LRRC4C: variants seen among roughly 807,000 people sequenced by gnomAD.
LRRC4C encodes the protein leucine rich repeat containing 4C.
Under a neutral mutation model 33.6 loss-of-function variants are expected in LRRC4C, and 5 were observed. The observed-to-expected ratio is 0.15, with a 90% confidence interval of 0.08 to 0.31. The LOEUF (loss-of-function observed/expected upper bound fraction) is 0.31. Ranked by LOEUF, LRRC4C falls within the 10% of genes least tolerant of loss-of-function variation. The pLI, the probability that LRRC4C is intolerant of heterozygous loss-of-function variation, is 1.00. For missense variants in LRRC4C, 560 were observed against 796.7 expected, an observed-to-expected ratio of 0.70 and a Z score of 3.58; for synonymous variants, 329 against 302.0, an observed-to-expected ratio of 1.09 and a Z score of -0.93.
intron 2 of LRRC4C, among the ~76,000 whole-genome samples, chr11:40,677,742 G>T (rs189771619): frequency 6.6e-6 from 1 of 152,152 alleles, no homozygotes; most frequent in Admixed American, 6.5e-5. Flanking sequence ...CAGCCTTCAC[G>T]TGGTGAAATG....
At chr11:40,256,545 T>G (rs1867218002) in intron 4 of LRRC4C, among the ~76,000 whole-genome samples, 1 of 152,140 alleles carries the variant, frequency 6.6e-6, no homozygotes, top group Non-Finnish European at 1.5e-5. Context: ...CTTAAGTAAT[T>G]CCACTTGTAT....
At chr11:40,821,144 A>G (rs1327578448) in intron 2 of LRRC4C, among the ~76,000 whole-genome samples, 1 of 151,708 alleles carries the variant, frequency 6.6e-6, no homozygotes, top group Non-Finnish European at 1.5e-5. Flanking sequence ...GCCAACAAAA[A>G]TTAGAGATTT....
chr11:40,128,842 A>G (rs981537693), intron 6 of LRRC4C, among the ~76,000 whole-genome samples: 2 of 152,108 alleles, frequency 1.3e-5, no homozygotes, highest in Admixed American at 1.3e-4. Flanking sequence ...TTTAAATTTT[A>G]CCTTCTCAGA....
intron 3 of LRRC4C, among the ~76,000 whole-genome samples, chr11:40,567,045 A>G (rs1957794310): frequency 1.3e-5 from 2 of 152,096 alleles, no homozygotes; most frequent in Non-Finnish European, 2.9e-5. Context: ...GAGGCTTTGT[A>G]TTACTTTTGA....
intron 1 of LRRC4C, among the ~76,000 whole-genome samples, chr11:40,954,216 A>C (rs1294718252): frequency 6.6e-6 from 1 of 151,800 alleles, no homozygotes; most frequent in Non-Finnish European, 1.5e-5. Context: ...CATTAGGTAA[A>C]CTCTCCATCT....
At chr11:40,785,188 G>C (rs2137314490) in intron 2 of LRRC4C, among the ~76,000 whole-genome samples, 1 of 152,232 alleles carries the variant, frequency 6.6e-6, no homozygotes. Context: ...GCCGAGGAAT[G>C]AATACAAATC....
intron 2 of LRRC4C, among the ~76,000 whole-genome samples, chr11:40,767,053 A>G (rs927576258): frequency 1.3e-5 from 2 of 152,066 alleles, no homozygotes; most frequent in African/African-American, 2.4e-5. Flanking sequence ...AAAGAAAACA[A>G]GAATCTATAA....
chr11:40,252,320 C>T (rs1866851075), intron 4 of LRRC4C, among the ~76,000 whole-genome samples: 1 of 151,706 alleles, frequency 6.6e-6, no homozygotes, highest in African/African-American at 2.4e-5. Flanking sequence ...CACACACAAC[C>T]CTAACACATA....
chr11:41,240,209 A>C (rs1276169712), intron 1 of LRRC4C, among the ~76,000 whole-genome samples: 4 of 152,204 alleles, frequency 2.6e-5, no homozygotes, highest in Non-Finnish European at 4.4e-5. Context: ...TTTCCAGGCT[A>C]TTAGGCTAAA....
chr11:41,052,507 C>A (rs1234077459), intron 1 of LRRC4C, among the ~76,000 whole-genome samples: 1 of 151,672 alleles, frequency 6.6e-6, no homozygotes, highest in East Asian at 1.9e-4. Context: ...TACATGGTCT[C>A]TGTTCACTTT....
intron 3 of LRRC4C, among the ~76,000 whole-genome samples, chr11:40,374,009 T>C (rs1948563317): frequency 6.6e-6 from 1 of 152,186 alleles, no homozygotes; most frequent in East Asian, 1.9e-4. Flanking sequence ...TAATTGGCCT[T>C]CACAAAAATT....
At chr11:40,176,777 G>T (rs1860529607) in intron 5 of LRRC4C, among the ~76,000 whole-genome samples, 1 of 151,990 alleles carries the variant, frequency 6.6e-6, no homozygotes, top group Admixed American at 6.6e-5. Flanking sequence ...CTGGCCTCAA[G>T]TGATCCTCCT....
chr11:40,461,498 CTAAAGTGTTCTG>C (rs1403876492), intron 3 of LRRC4C, among the ~76,000 whole-genome samples: 29 of 151,956 alleles, frequency 1.9e-4, no homozygotes. Context: ...GTTAATGCAA[CTAAAGTGTTCTG>C]TATAGTGTCT....
intron 1 of LRRC4C, chr11:41,394,563 G>T (rs183954544): frequency 1.3e-5 from 2 of 152,012 alleles, no homozygotes; most frequent in Admixed American, 6.6e-5. Context: ...TTACAAAGAA[G>T]GATGATTTGA....
intron 2 of LRRC4C, among the ~76,000 whole-genome samples, chr11:40,651,886 T>C (rs1942826957): frequency 6.6e-6 from 1 of 152,206 alleles, no homozygotes; most frequent in Non-Finnish European, 1.5e-5. Context: ...GGATTTTCCT[T>C]TGAAGTGGCT....
At chr11:41,017,196 T>C (rs1855648998) in intron 1 of LRRC4C, among the ~76,000 whole-genome samples, 1 of 152,200 alleles carries the variant, frequency 6.6e-6, no homozygotes, top group Non-Finnish European at 1.5e-5. Flanking sequence ...TTTTGGAGGA[T>C]TAGGCAATGT....
intron 2 of LRRC4C, among the ~76,000 whole-genome samples, chr11:40,915,508 A>T (rs1405052329): frequency 6.6e-6 from 1 of 152,218 alleles, no homozygotes; most frequent in East Asian, 1.9e-4. Flanking sequence ...GAAAGCTGAA[A>T]CTGGATCCCT....
At chr11:41,174,259 C>T (rs1158471051) in intron 1 of LRRC4C, among the ~76,000 whole-genome samples, 1 of 151,868 alleles carries the variant, frequency 6.6e-6, no homozygotes, top group Non-Finnish European at 1.5e-5. Flanking sequence ...CTTAAGGTCC[C>T]TAAAAAATAA....
chr11:40,789,228 T>G (rs1950537357), intron 2 of LRRC4C, among the ~76,000 whole-genome samples: 1 of 152,054 alleles, frequency 6.6e-6, no homozygotes, highest in Admixed American at 6.6e-5. Context: ...GGCTATAAAT[T>G]TTAGGCTAGT....
Sources: allele counts gnomAD v4.1 joint callset (sites outside exome capture counted in the v4.1 genomes callset), GRCh38; gene constraint gnomAD v4.1.1; transcripts MANE v1.5; gene names NCBI Gene and HGNC (gene_info 2026-07-23, HGNC 2026-07-21).